Variants in SETD2 observed in about 807,000 individuals in gnomAD.
SETD2 encodes histone-lysine N-methyltransferase SETD2.
In SETD2, 31 loss-of-function variants were observed where a neutral mutation model predicts 242.1. The ratio of observed to expected loss-of-function variants is 0.13; its 90% CI spans 0.10 to 0.17. SETD2 has a LOEUF of 0.17. SETD2 is among the 10% of genes least tolerant of loss of function. The pLI, the probability that SETD2 is intolerant of heterozygous loss-of-function variation, is 1.00. For missense variants in SETD2, 2,481 were observed against 3,046.3 expected (o/e 0.81, Z 4.37); for synonymous variants, 1,006 against 1,066.5 (o/e 0.94, Z 1.11).
At chr3:47,019,602 T>C (rs1004846601) in intron 19 of SETD2, among the ~76,000 whole-genome samples, 158 bp downstream of exon 19, 1 of 152,162 alleles carries the variant, frequency 6.6e-6, no homozygotes, top group Admixed American at 6.5e-5. Flanking sequence ...GAGTTTTCAG[T>C]GCTAAAAGAA....
rs563341198 is a variant in SETD2, at chr3:47,139,272, C to G, written c.72-12609G>C. ...CACTCAGGGACCACTAAAGCCTTTC[C>G]TTCCTTTGACAATTATCTGAATGTC... On this transcript the variant is annotated intron_variant, in intron 1 of 20. Coordinates refer to ENST00000409792, the MANE Select transcript of SETD2 (RefSeq NM_014159.7). Among the ~76,000 whole-genome samples, 47 of 152,268 alleles carry G rather than the reference C, an allele frequency of 3.1e-4. 1 individual carries two copies. The highest frequency in any genetic ancestry group is 7.4e-5 in the Non-Finnish European group (5 of 68,018).
At chr3:47,089,846 G>A (rs1293241819) in intron 9 of SETD2, among the ~76,000 whole-genome samples, 1 of 152,200 alleles carries the variant, frequency 6.6e-6, no homozygotes, top group African/African-American at 2.4e-5. Context: ...GGTAAGCAAA[G>A]TAGTGGGGAA....
At chr3:47,092,380 A>C (rs1343436111) in intron 9 of SETD2, among the ~76,000 whole-genome samples, 3 of 152,072 alleles carry the variant, frequency 2.0e-5, no homozygotes, top group African/African-American at 7.2e-5. Flanking sequence ...ACATTTATTA[A>C]AAGTCTTAGA....
chr3:47,075,135 TAA>T (rs199630834), intron 12 of SETD2, among the ~76,000 whole-genome samples: 46 of 126,032 alleles, frequency 3.6e-4, no homozygotes, highest in Admixed American at 3.2e-4. Flanking sequence ...CTCCGTCTCT[TAA>T]AAAAAAAAAA....
At chr3:47,065,005 C>G (rs1202742385) in intron 13 of SETD2, among the ~76,000 whole-genome samples, 2 of 151,908 alleles carry the variant, frequency 1.3e-5, no homozygotes, top group Non-Finnish European at 2.9e-5. Flanking sequence ...CAATAATTTG[C>G]AAATATCTAG....
chr3:47,155,991 G>A (rs147766946), intron 1 of SETD2, among the ~76,000 whole-genome samples: 1 of 152,222 alleles, frequency 6.6e-6, no homozygotes, highest in East Asian at 1.9e-4. Flanking sequence ...ACTCTTGGAA[G>A]AATTAACAGA....
intron 1 of SETD2, among the ~76,000 whole-genome samples, chr3:47,138,121 G>A (rs542260266): frequency 1.6e-4 from 23 of 148,206 alleles, no homozygotes; most frequent in African/African-American, 5.2e-4. Flanking sequence ...ACAGGCGCCC[G>A]CCGCCACGCC....
chr3:47,084,441 T>C, intron 11 of SETD2, 59 bp from the exon 12 acceptor site: 2 of 1,090,482 alleles, frequency 1.8e-6, no homozygotes, highest in South Asian at 3.2e-5. Context: ...TTTTTTTTTT[T>C]TGAGACAGAG....
At chr3:47,098,157 G>A in intron 8 of SETD2, 76 bp from the exon 9 acceptor site, 1 of 1,483,122 alleles carries the variant, frequency 6.7e-7, no homozygotes, top group East Asian at 2.3e-5. Flanking sequence ...ACACACAAAA[G>A]TCATACCAGT....
chr3:47,097,836 C>T (rs924873987), intron 9 of SETD2, 119 bp downstream of exon 9: 1 of 932,004 alleles, frequency 1.1e-6, no homozygotes, highest in Non-Finnish European at 1.6e-6. Context: ...CTGGTAACAA[C>T]TCATCTGATC....
intron 13 of SETD2, 130 bp from the exon 14 acceptor site, chr3:47,062,476 G>A (rs1575709689): frequency 1.2e-5 from 9 of 760,714 alleles, no homozygotes; most frequent in African/African-American, 3.6e-5. Flanking sequence ...GGACTCCTCC[G>A]TCATCTACCC....
chr3:47,058,796 G>C (rs2040197457), intron 14 of SETD2, among the ~76,000 whole-genome samples: 2 of 151,708 alleles, frequency 1.3e-5, no homozygotes, highest in African/African-American at 4.8e-5. Context: ...GGGGCACAGG[G>C]GAATTTTTTT....
At chr3:47,113,463 T>C (rs903067286) in intron 5 of SETD2, among the ~76,000 whole-genome samples, 2 of 152,178 alleles carry the variant, frequency 1.3e-5, no homozygotes, top group African/African-American at 4.8e-5. Context: ...GTGGTCATTC[T>C]ACATAATAAT....
intron 1 of SETD2, among the ~76,000 whole-genome samples, chr3:47,160,967 A>G (rs544061784): frequency 6.6e-6 from 1 of 152,200 alleles, no homozygotes; most frequent in Non-Finnish European, 1.5e-5. Flanking sequence ...GTGTCTGATT[A>G]AAAGCATGGG....
chr3:47,112,182 C>T (rs1575795130), intron 5 of SETD2, among the ~76,000 whole-genome samples: 1 of 150,296 alleles, frequency 6.7e-6, no homozygotes, highest in East Asian at 2.0e-4. Flanking sequence ...GCCATGATCT[C>T]GGCTCACTGC....
intron 16 of SETD2, 76 bp from the exon 17 acceptor site, chr3:47,042,776 T>C (rs2039341556): frequency 7.7e-7 from 1 of 1,306,172 alleles, no homozygotes; most frequent in Non-Finnish European, 1.1e-6. Context: ...ATAGCCCACT[T>C]AAATATGTAA....
At chr3:47,118,852 G>T (rs547846795) in intron 3 of SETD2, among the ~76,000 whole-genome samples, 1 of 151,860 alleles carries the variant, frequency 6.6e-6, no homozygotes, top group African/African-American at 2.4e-5. Context: ...CAAAGATCTT[G>T]TAAGTTCCAT....
intron 1 of SETD2, among the ~76,000 whole-genome samples, chr3:47,130,954 G>A (rs2043461849): frequency 1.3e-5 from 2 of 152,080 alleles, no homozygotes; most frequent in Admixed American, 1.3e-4. Flanking sequence ...GTCATGGCAA[G>A]CTCAAGGAAC....
intron 12 of SETD2, 55 bp from the exon 13 acceptor site, chr3:47,067,173 C>T (rs2040593228): frequency 7.9e-7 from 1 of 1,261,912 alleles, no homozygotes; most frequent in Non-Finnish European, 1.2e-6. Flanking sequence ...ATGGTGATTG[C>T]TTTGAAACTG....
Sources: gnomAD v4.1 joint callset for allele counts (sites outside exome capture counted in the v4.1 genomes callset) on GRCh38, gnomAD v4.1.1 for gene constraint, MANE v1.5 for transcripts, NCBI Gene and HGNC (gene_info 2026-07-23, HGNC 2026-07-21) for gene names.